The following PDGFRA variants were observed in gnomAD, a reference collection of about 807,000 sequenced individuals.
PDGFRA encodes platelet derived growth factor receptor alpha.
In PDGFRA, 25 loss-of-function variants were observed where a neutral mutation model predicts 121.5. The observed-to-expected ratio is 0.21, with a 90% CI of 0.15 to 0.29. The LOEUF (loss-of-function observed/expected upper bound fraction) is 0.29, where lower values mean the gene tolerates loss of function less well. Ranked by LOEUF, PDGFRA falls within the 10% of genes least tolerant of loss-of-function variation. The pLI, the probability that PDGFRA is intolerant of heterozygous loss-of-function variation, is 1.00. For missense variants in PDGFRA, 1,008 were observed against 1,345.1 expected, an observed-to-expected ratio of 0.75 and a Z score of 3.92; for synonymous variants, 463 against 494.8, an observed-to-expected ratio of 0.94 and a Z score of 0.85.
rs1724843873 is a variant in PDGFRA at position 54,295,577 on chromosome 4, G to A, written c.*305G>A. ...CTTTGTGCTTCAAGGACATTGGTGA[G>A]AGTCCAACAGACACAATTTATACTG... On this transcript the variant is annotated 3_prime_UTR_variant, in exon 23 of 23. Transcript: ENST00000257290. The A allele has an allele frequency of 2.2e-6, 1 of 452,592 alleles. No individual in the cohort carries two copies. Among genetic ancestry groups the A allele is most frequent in the South Asian group, 2.4e-5 (1 of 41,146 alleles). 28.0% of individuals were successfully genotyped at this position (452,592 alleles called of 1,614,324 possible).
intron 22 of PDGFRA, 78 bp downstream of exon 22, chr4:54,290,632 T>C: frequency 6.6e-7 from 1 of 1,509,594 alleles, no homozygotes; most frequent in Non-Finnish European, 9.2e-7. Flanking sequence ...ATTTTCCCGA[T>C]AATGGTGCAC....
rs368963999 is a variant in PDGFRA at position 54,280,754 on chromosome 4, ATT to A, written c.2323+277_2323+278del. ...TTCTTGGTGTGTTCCTGCAGTAAACATTTTTTAAAAAAAATAATTATTTATTC... is the reference window on the plus strand; with the variant it reads ...TTCTTGGTGTGTTCCTGCAGTAAACATTTTAAAAAAAATAATTATTTATTC... On this transcript the variant is annotated intron_variant, in intron 16 of 22. Coordinates refer to ENST00000257290, the MANE Select transcript of PDGFRA (RefSeq NM_006206.6). 9.9e-3 allele frequency: 2,335 copies of A among 236,290 alleles called. 30 individuals are homozygous for A. Among genetic ancestry groups the A allele is most frequent in the Non-Finnish European group, 0.013 (1,624 of 122,006 alleles). 14.6% of individuals were successfully genotyped at this position (236,290 alleles called of 1,614,324 possible). A position where few individuals can be genotyped will look rare whatever the true frequency, so the allele number is the denominator to read the frequency against.
intron 1 of PDGFRA, among the ~76,000 whole-genome samples, chr4:54,252,054 T>A (rs1167090060): frequency 6.6e-6 from 1 of 152,190 alleles, no homozygotes; most frequent in African/African-American, 2.4e-5. Flanking sequence ...TCTAGTCTCG[T>A]CTGTTGTTTT....
At chr4:54,291,528 T>C (rs373050064) in intron 22 of PDGFRA, among the ~76,000 whole-genome samples, 1 of 145,850 alleles carries the variant, frequency 6.9e-6, no homozygotes, top group African/African-American at 2.5e-5. Context: ...TATGAAAAAA[T>C]GCTCAACATC....
intron 5 of PDGFRA, 78 bp downstream of exon 5, chr4:54,265,127 C>T: frequency 7.6e-7 from 1 of 1,319,092 alleles, no homozygotes; most frequent in Non-Finnish European, 1.1e-6. Flanking sequence ...CTCGGTCTGT[C>T]ACTGATGGGC....
chr4:54,260,986 G>A (rs1722669558), intron 2 of PDGFRA, 109 bp from the exon 3 acceptor site: 1 of 983,962 alleles, frequency 1.0e-6, no homozygotes, highest in Non-Finnish European at 1.6e-6. Flanking sequence ...GGATTTTTGT[G>A]TAGAAATGGT....
At chr4:54,255,820 A>AAAC (rs768327064) in intron 1 of PDGFRA, among the ~76,000 whole-genome samples, 130 of 151,552 alleles carry the variant, frequency 8.6e-4, no homozygotes, top group Non-Finnish European at 1.3e-3. Flanking sequence ...TTTTTTTTTA[A>AAAC]AACAACAACA....
In PDGFRA at chr4:54,297,504, C is replaced by G. The variant is rs1724932561; in HGVS notation, c.*2232C>G. On this transcript the variant is annotated 3_prime_UTR_variant, in exon 23 of 23. Coordinates refer to ENST00000257290, the MANE Select transcript of PDGFRA (RefSeq NM_006206.6). ...GCTCAAGCATTCTGTTTATCGCTCA[C>G]TCTCCCTTGTACAGCCTTATTTTGT... is the stretch of plus-strand genomic sequence containing the variant. The G allele has an allele frequency of 4.3e-6, 1 of 233,612 alleles. No homozygotes were observed. Among genetic ancestry groups the G allele is most frequent in the African/African-American group, 2.2e-5 (1 of 45,364 alleles). 14.5% of individuals were successfully genotyped at this position (233,612 alleles called of 1,614,324 possible).
intron 12 of PDGFRA, among the ~76,000 whole-genome samples, chr4:54,275,277 G>A (rs1232292279): frequency 6.6e-6 from 1 of 152,170 alleles, no homozygotes; most frequent in Non-Finnish European, 1.5e-5. Context: ...GACACAAATT[G>A]AAAATGAATT....
At chr4:54,267,530 A>G in intron 6 of PDGFRA, 22 bp from the exon 7 acceptor site, 1 of 1,614,142 alleles carries the variant, frequency 6.2e-7, no homozygotes, top group Non-Finnish European at 8.5e-7. Context: ...TCATTATTTA[A>G]TGGAAACTCT....
At chr4:54,255,264 T>G (rs936364745) in intron 1 of PDGFRA, among the ~76,000 whole-genome samples, 3 of 152,188 alleles carry the variant, frequency 2.0e-5, no homozygotes, top group African/African-American at 4.8e-5. Flanking sequence ...TTCTATCTAC[T>G]CCACCTCCCT....
chr4:54,288,947 T>C, intron 20 of PDGFRA, 49 bp downstream of exon 20: 3 of 1,530,340 alleles, frequency 2.0e-6, no homozygotes, highest in Middle Eastern at 1.7e-4. Flanking sequence ...TCTGTGGGTC[T>C]AGGGGGAGGG....
At chr4:54,242,034 C>A (rs1395900959) in intron 1 of PDGFRA, among the ~76,000 whole-genome samples, 3 of 152,186 alleles carry the variant, frequency 2.0e-5, no homozygotes, top group Admixed American at 2.0e-4. Context: ...AAAGGTATAG[C>A]CTTTGCAAGT....
chr4:54,264,092 AG>A lies in PDGFRA; in HGVS notation c.628+166del, dbSNP rs1722907670. The A allele has an allele frequency of 3.1e-5, 20 of 649,126 alleles. No individual in the cohort carries two copies. In the South Asian group the frequency reaches 3.8e-4, roughly 12 times the overall value. The allele number at this position is 649,126 out of a possible 1,614,324, so 40.2% of individuals were successfully genotyped here. A position where few individuals can be genotyped will look rare whatever the true frequency, so the allele number is the denominator to read the frequency against. Reference sequence around the variant, plus strand: ...TACAATGTCTGTGGCTATAATAATAAGCTTAAAATTACTAAAGGCCAAAGCT... The same window carrying A: ...TACAATGTCTGTGGCTATAATAATAACTTAAAATTACTAAAGGCCAAAGCT... On this transcript the variant is annotated intron_variant, in intron 4 of 22. Coordinates refer to ENST00000257290, the MANE Select transcript of PDGFRA (RefSeq NM_006206.6).
At chr4:54,265,165 C>A in intron 5 of PDGFRA, 116 bp downstream of exon 5, 1 of 946,808 alleles carries the variant, frequency 1.1e-6, no homozygotes, top group Non-Finnish European at 1.7e-6. Context: ...TAGACCTTAG[C>A]TTCCCACCTC....
rs752884270 is a variant in PDGFRA, at chr4:54,278,471, G to T, written c.2112G>T (p.Glu704Asp). ...LSHHPEKPKK[E>D]LDIFGLNPAD... ...ACCACCCAGAGAAGCCAAAGAAAGA[G>T]CTGGATATCTTTGGATTGAACCCTG... is the stretch of plus-strand genomic sequence containing the variant. Residue 704 changes from glutamate (E) to aspartate (D), a missense_variant, in exon 15 of 23, where the codon GAG becomes GAT. By Grantham distance (45) the Glu-to-Asp change is conservative. This residue lies in a region of PDGFRA where 128 missense variants were observed against 147.6 expected (regional missense o/e 0.87). Coordinates refer to ENST00000257290, the MANE Select transcript of PDGFRA (RefSeq NM_006206.6). 3 of 1,614,024 alleles carry T rather than the reference G, an allele frequency of 1.9e-6. No individual in the cohort carries two copies. In the South Asian group the frequency reaches 3.3e-5, roughly 18 times the overall value.
chr4:54,271,787 C>T (rs923170018), intron 8 of PDGFRA, among the ~76,000 whole-genome samples: 3 of 145,626 alleles, frequency 2.1e-5, no homozygotes, highest in African/African-American at 7.6e-5. Context: ...TTCCTTCCTC[C>T]CTCCCTCACT....
intron 7 of PDGFRA, among the ~76,000 whole-genome samples, chr4:54,268,469 C>T (rs1055613625): frequency 6.6e-6 from 1 of 152,216 alleles, no homozygotes; most frequent in Non-Finnish European, 1.5e-5. Context: ...AGATACATCT[C>T]ACAGCACCCA....
chr4:54,245,364 C>G (rs1721579494), intron 1 of PDGFRA, among the ~76,000 whole-genome samples: 1 of 152,196 alleles, frequency 6.6e-6, no homozygotes, highest in Admixed American at 6.5e-5. Flanking sequence ...CAGTGGATCT[C>G]TCAGCAGAAA....
Sources: allele counts gnomAD v4.1 joint callset (sites outside exome capture counted in the v4.1 genomes callset), GRCh38; gene constraint gnomAD v4.1.1; regional missense constraint gnomAD v4.1.1; transcripts MANE v1.5; gene names NCBI Gene and HGNC (gene_info 2026-07-23, HGNC 2026-07-21).